The following GFUS variants were observed in gnomAD, a reference collection of about 807,000 sequenced individuals.
GFUS encodes GDP-L-fucose synthase, also known as 3-5 epimerase/4-reductase.
A neutral mutation model predicts 41.5 loss-of-function variants in GFUS; 42 were observed. The observed-to-expected ratio is 1.01, with a 90% CI of 0.79 to 1.31. The LOEUF is 1.31. Among genes scored for constraint, GFUS ranks in the 50% most tolerant of loss-of-function variants. GFUS has a pLI of 0.00. For synonymous variants in GFUS, 188 were observed against 173.4 expected, an observed-to-expected ratio of 1.08 and a Z score of -0.66; for missense variants, 437 against 428.7, an observed-to-expected ratio of 1.02 and a Z score of -0.17.
At chr8:143,615,620 C>T (rs1407151471) in intron 3 of GFUS, among the ~76,000 whole-genome samples, 1 of 152,186 alleles carries the variant, frequency 6.6e-6, no homozygotes, top group Non-Finnish European at 1.5e-5. Flanking sequence ...CTCCGGAACA[C>T]AGCTAGCCAC....
Position 143,614,845 on chromosome 8 carries a change from G to GAC in GFUS, c.330_331dup (p.Ser111CysfsTer17). On this transcript the variant is annotated frameshift_variant, in exon 4 of 11. Coordinates refer to ENST00000425753, the MANE Select transcript of GFUS (RefSeq NM_003313.4). LOFTEE classifies it high-confidence loss of function. ...AGGGAAGATACAGGTGGACAGGCAG[G>GAC]ACACCACCTTGCGGGCGCCCACCTC... 1 of 1,613,762 alleles carries GAC rather than the reference G, an allele frequency of 6.2e-7. No homozygotes were observed. Among genetic ancestry groups the GAC allele is most frequent in the Non-Finnish European group, 8.5e-7 (1 of 1,179,990 alleles).
rs780484196 is a variant in GFUS at position 143,612,873 on chromosome 8, C to G, written c.*37G>C. On this transcript the variant is annotated 3_prime_UTR_variant, in exon 11 of 11. Coordinates refer to ENST00000425753, the MANE Select transcript of GFUS (RefSeq NM_003313.4). The stretch of plus-strand genomic sequence containing the variant: ...GGTGGTGGCCGCTGGGCTCTGCCAG[C>G]CGATGGTCCGCTGGCACCTGATCCT... The G allele has an allele frequency of 6.3e-7, 1 of 1,586,696 alleles. No homozygotes were observed. Among genetic ancestry groups the G allele is most frequent in the East Asian group, 2.3e-5 (1 of 43,038 alleles).
rs374968268 is a variant in GFUS at position 143,614,372 on chromosome 8, G to A, written c.546C>T (p.Ile182=). ...GGCCAGGCAGCACGTGGCCATCCTCGATGTTGAAGTTGTCGTGGGGCCCGA... is the reference window on the plus strand; with the variant it reads ...GGCCAGGCAGCACGTGGCCATCCTCAATGTTGAAGTTGTCGTGGGGCCCGA... ...NVFGPHDNFN[I]EDGHVLPGLI... Residue 182 remains isoleucine, a synonymous_variant, in exon 6 of 11, where the codon ATC becomes ATT. Coordinates refer to ENST00000425753, the MANE Select transcript of GFUS (RefSeq NM_003313.4). 209 of 1,613,828 alleles carry A rather than the reference G, an allele frequency of 1.3e-4. No individual in the cohort carries two copies. Among genetic ancestry groups the A allele is most frequent in the Middle Eastern group, 1.7e-4 (1 of 6,058 alleles).
In GFUS at chr8:143,614,547, G is replaced by A. The variant is rs891201327; in HGVS notation, c.464+77C>T. ...CTTACTGAGGCTGGCACGAAGACCC[G>A]ACCAGCCGGCCCCACCCGCCCCTGG... is the stretch of plus-strand genomic sequence containing the variant. On this transcript the variant is annotated intron_variant, in intron 5 of 10. Transcript: ENST00000425753. The A allele has an allele frequency of 1.3e-5, 21 of 1,557,040 alleles. No individual in the cohort carries two copies. The African/African-American group carries it at 1.5e-4, about 11-fold the overall frequency.
intron 8 of GFUS, 30 bp downstream of exon 8, chr8:143,613,721 A>G: frequency 6.4e-7 from 1 of 1,554,948 alleles, no homozygotes; most frequent in Non-Finnish European, 8.7e-7. Flanking sequence ...CCTACCATGG[A>G]GGAAGGGGGC....
rs370546429 is a variant in GFUS at position 143,614,803 on chromosome 8, G to A, written c.374C>T (p.Pro125Leu). 3.0e-5 allele frequency: 49 copies of A among 1,613,562 alleles called. No homozygotes were observed. The highest frequency in any genetic ancestry group is 3.3e-4 in the Middle Eastern group (2 of 6,084). ...GCCCCTCACCATGGTCTCATCTATC[G>A]GGTAGGTCGTCTTGTCAGGGAAGAT... ...TCIFPDKTTY[P>L]IDETMIHNGP... is the part of the protein sequence containing the mutation. Residue 125 changes from proline (P) to leucine (L), a missense_variant, in exon 4 of 11, where the codon CCG becomes CTG. Transcript: ENST00000425753.
rs976603804 is a variant in GFUS, at chr8:143,616,142, G to T, written c.225C>A (p.Gly75=). The T allele has an allele frequency of 6.2e-6, 10 of 1,611,404 alleles. No individual in the cohort carries two copies. The highest frequency in any genetic ancestry group is 8.5e-6 in the Non-Finnish European group (10 of 1,178,382). Residue 75 remains glycine, a synonymous_variant, in exon 3 of 11, where the codon GGC becomes GGA. Transcript: ENST00000425753. Reference sequence around the variant, plus strand: ...AATTGTATTTGATATTCCGGAACAGGCCCCCCACCATTGCAGCAAGATGGA... The same window carrying T: ...AATTGTATTTGATATTCCGGAACAGTCCCCCCACCATTGCAGCAAGATGGA... ...HVIHLAAMVG[G]LFRNIKYNLD... is the part of the protein sequence containing the mutation.
intron 4 of GFUS, 21 bp downstream of exon 4, chr8:143,614,766 C>G (rs1829680921): frequency 1.7e-5 from 28 of 1,613,432 alleles, no homozygotes; most frequent in Non-Finnish European, 2.4e-5. Flanking sequence ...GCCCCACCCA[C>G]AGCCAGGCCC....
At chr8:143,616,799 G>T in intron 1 of GFUS, 76 bp from the exon 2 acceptor site, 1 of 1,558,376 alleles carries the variant, frequency 6.4e-7, no homozygotes, top group Non-Finnish European at 8.8e-7. Context: ...GTGGCAACTG[G>T]CACAGAGTGA....
In GFUS at chr8:143,613,560, C is replaced by A. The variant is rs377285886; in HGVS notation, c.774G>T (p.Ala258=). 1.1e-5 allele frequency: 17 copies of A among 1,611,440 alleles called. No homozygotes were observed. In the Admixed American group the frequency reaches 2.8e-4, roughly 27 times the overall value. The change falls in exon 9 of 11, where the codon GCG becomes GCT. Residue 258 remains alanine, a synonymous_variant. Transcript: ENST00000425753. The part of the protein sequence containing the change: ...DEVSIKEAAE[A]VVEAMDFHGE... ...CATGGAAGTCCATGGCCTCCACCAC[C>A]GCCTCGGCTGCCTCCTTGATGGAGA...
intron 5 of GFUS, 38 bp downstream of exon 5, chr8:143,614,586 G>A (rs375667036): frequency 2.8e-5 from 44 of 1,562,946 alleles, no homozygotes; most frequent in Middle Eastern, 1.8e-4. Flanking sequence ...CCCTCTCCCC[G>A]ACTCCTGGCT....
chr8:143,617,095 G>T (rs990323760), intron 1 of GFUS: 84 of 253,642 alleles, frequency 3.3e-4, no homozygotes, highest in African/African-American at 1.8e-3. Flanking sequence ...AAGCCCGCAT[G>T]CTAGGGACAG....
intron 5 of GFUS, 39 bp from the exon 6 acceptor site, chr8:143,614,492 C>T (rs990439429): frequency 5.7e-6 from 9 of 1,585,798 alleles, no homozygotes; most frequent in South Asian, 2.3e-5. Context: ...GTCCTGGGCC[C>T]GCGATCCCAC....
At chr8:143,613,105 G>A (rs1367757449) in intron 10 of GFUS, 91 bp downstream of exon 10, 3 of 1,532,554 alleles carry the variant, frequency 2.0e-6, no homozygotes, top group Non-Finnish European at 2.7e-6. Flanking sequence ...CAGGCTCTGA[G>A]GGGGCACCTC....
At chr8:143,613,486 GC>G in intron 9 of GFUS, 37 bp downstream of exon 9, 1 of 1,602,832 alleles carries the variant, frequency 6.2e-7, no homozygotes. Flanking sequence ...CGCCCAAGGG[GC>G]CCCCGCCCAA....
chr8:143,613,354 T>C, intron 9 of GFUS, 59 bp from the exon 10 acceptor site: 1 of 1,565,468 alleles, frequency 6.4e-7, no homozygotes, highest in Non-Finnish European at 8.8e-7. Context: ...CCCCGCAGCT[T>C]GCCCTTGAAC....
intron 2 of GFUS, 51 bp from the exon 3 acceptor site, chr8:143,616,271 G>A: frequency 6.4e-7 from 1 of 1,556,430 alleles, no homozygotes; most frequent in Non-Finnish European, 8.9e-7. Context: ...AGCACCCCAG[G>A]GTTGGGTGCC....
At chr8:143,616,332 G>A (rs766370862) in intron 2 of GFUS, 112 bp from the exon 3 acceptor site, 2 of 1,212,000 alleles carry the variant, frequency 1.7e-6, no homozygotes, top group African/African-American at 3.0e-5. Context: ...CAAAAGGGAG[G>A]GTGGCCCCAG....
At chr8:143,615,435 G>A (rs1829701586) in intron 3 of GFUS, among the ~76,000 whole-genome samples, 1 of 152,230 alleles carries the variant, frequency 6.6e-6, no homozygotes, top group Admixed American at 6.5e-5. Flanking sequence ...TGGGAGAAGG[G>A]AGAGGTGGTG....
Sources: allele counts gnomAD v4.1 joint callset (sites outside exome capture counted in the v4.1 genomes callset), GRCh38; gene constraint gnomAD v4.1.1; transcripts MANE v1.5; gene names NCBI Gene and HGNC (gene_info 2026-07-23, HGNC 2026-07-21).